Variants in CALN1 observed in about 807,000 individuals in gnomAD.
CALN1 encodes calcium-binding protein 8.
Under a neutral mutation model 30.6 loss-of-function variants are expected in CALN1, and 17 were observed. The observed-to-expected ratio is 0.56, with a 90% CI of 0.38 to 0.83. The LOEUF (loss-of-function observed/expected upper bound fraction) is 0.83. Ranked by LOEUF, CALN1 falls within the 40% of genes least tolerant of loss-of-function variation. The probability of loss-of-function intolerance (pLI) is 0.00; values close to 1 mark genes in which losing one functional copy is unlikely to be tolerated. For synonymous variants in CALN1, 156 were observed against 131.4 expected, an observed-to-expected ratio of 1.19 and a Z score of -1.28; for missense variants, 291 against 354.9, an observed-to-expected ratio of 0.82 and a Z score of 1.45.
At chr7:72,501,474 A>G in the CALN1 span, among the ~76,000 whole-genome samples, 48 of 102,428 alleles carry the variant, frequency 4.7e-4, no homozygotes, top group Non-Finnish European at 7.1e-4. Flanking sequence ...AGGAGGAGGA[A>G]GAAGGAAGGA....
At chr7:72,070,850 C>G (rs527538978) in intron 4 of CALN1, among the ~76,000 whole-genome samples, 1 of 152,100 alleles carries the variant, frequency 6.6e-6, no homozygotes, top group Non-Finnish European at 1.5e-5. Flanking sequence ...TTCTTAAGTC[C>G]TATTGGACAT....
chr7:71,821,021 A>G (rs532516696), intron 5 of CALN1, among the ~76,000 whole-genome samples: 11 of 152,314 alleles, frequency 7.2e-5, no homozygotes, highest in Non-Finnish European at 1.5e-4. Flanking sequence ...TTAGAAAGAA[A>G]GGCTACACGT....
At chr7:72,136,879 C>A (rs573960493) in intron 3 of CALN1, among the ~76,000 whole-genome samples, 2 of 152,110 alleles carry the variant, frequency 1.3e-5, no homozygotes, top group South Asian at 4.2e-4. Context: ...ATTAAGTTCA[C>A]CATTTTATAT....
At chr7:72,367,468 A>C in intron 2 of CALN1, among the ~76,000 whole-genome samples, 1 of 152,038 alleles carries the variant, frequency 6.6e-6, no homozygotes, top group East Asian at 1.9e-4. Flanking sequence ...TGCAAAAATA[A>C]ATTGAAAAAT....
At chr7:71,909,707 G>A (rs1306344405) in intron 5 of CALN1, among the ~76,000 whole-genome samples, 2 of 152,132 alleles carry the variant, frequency 1.3e-5, no homozygotes, top group Admixed American at 6.6e-5. Flanking sequence ...CACAGGGGAC[G>A]TTTGGTATCA....
At chr7:71,968,767 G>A (rs901495796) in intron 5 of CALN1, among the ~76,000 whole-genome samples, 5 of 151,904 alleles carry the variant, frequency 3.3e-5, no homozygotes, top group African/African-American at 4.8e-5. Flanking sequence ...AGAAGTGGCT[G>A]GCTGTGGTGG....
At chr7:72,007,304 G>A (rs1410556072) in intron 5 of CALN1, among the ~76,000 whole-genome samples, 1 of 152,196 alleles carries the variant, frequency 6.6e-6, no homozygotes, top group Non-Finnish European at 1.5e-5. Flanking sequence ...CCAGCACTTT[G>A]GTAGGCCGAA....
the CALN1 span, among the ~76,000 whole-genome samples, chr7:72,481,508 C>A: frequency 6.6e-6 from 1 of 152,066 alleles, no homozygotes; most frequent in South Asian, 2.1e-4. Flanking sequence ...TTTAAAAACT[C>A]ATTTTGGGTT....
intron 5 of CALN1, among the ~76,000 whole-genome samples, chr7:71,854,375 GAGAA>G (rs915415354): frequency 1.6e-4 from 24 of 151,122 alleles, no homozygotes; most frequent in Admixed American, 4.0e-4. Flanking sequence ...CAGACAGACA[GAGAA>G]AGAAAGAAAG....
At chr7:72,333,308 C>A (rs994667839) in intron 2 of CALN1, among the ~76,000 whole-genome samples, 1 of 152,228 alleles carries the variant, frequency 6.6e-6, no homozygotes, top group Non-Finnish European at 1.5e-5. Context: ...GGCACTGTGT[C>A]AACTTCATCT....
chr7:72,336,604 A>G (rs959398399), intron 2 of CALN1: 1 of 813,304 alleles, frequency 1.2e-6, no homozygotes, highest in Admixed American at 6.2e-5. Flanking sequence ...GGCCCGCGAC[A>G]GCCCGGGGGT....
chr7:72,189,288 A>G (rs1474485834), intron 3 of CALN1, among the ~76,000 whole-genome samples: 1 of 152,196 alleles, frequency 6.6e-6, no homozygotes, highest in African/African-American at 2.4e-5. Context: ...CCGAATTTCT[A>G]AAGTAATATC....
At chr7:72,190,147 G>T (rs1790498035) in intron 3 of CALN1, among the ~76,000 whole-genome samples, 1 of 152,178 alleles carries the variant, frequency 6.6e-6, no homozygotes, top group South Asian at 2.1e-4. Context: ...CCTAAGGTCA[G>T]GAGTTCGAGA....
At chr7:72,300,122 C>T (rs539886237) in intron 2 of CALN1, among the ~76,000 whole-genome samples, 4 of 152,070 alleles carry the variant, frequency 2.6e-5, no homozygotes, top group South Asian at 2.1e-4. Flanking sequence ...CCTCATGATC[C>T]GCCCACCTCG....
intron 4 of CALN1, among the ~76,000 whole-genome samples, chr7:72,050,834 C>A (rs1169860213): frequency 1.3e-5 from 2 of 151,822 alleles, no homozygotes; most frequent in African/African-American, 4.8e-5. Flanking sequence ...AACCTCATTT[C>A]TACTACAAAA....
chr7:72,210,360 G>T (rs1375165344), intron 3 of CALN1, among the ~76,000 whole-genome samples: 1 of 152,162 alleles, frequency 6.6e-6, no homozygotes, highest in East Asian at 1.9e-4. Flanking sequence ...TGCTGTCAGA[G>T]TAATCTTTCT....
At chr7:71,862,956 G>A (rs1404530047) in intron 5 of CALN1, among the ~76,000 whole-genome samples, 2 of 152,168 alleles carry the variant, frequency 1.3e-5, no homozygotes, top group Admixed American at 6.5e-5. Context: ...TTCAATAGGG[G>A]AACTATTATG....
chr7:71,999,026 T>C (rs2129528409), intron 5 of CALN1, among the ~76,000 whole-genome samples: 2 of 152,276 alleles, frequency 1.3e-5, no homozygotes, highest in Middle Eastern at 6.8e-3. Flanking sequence ...ATGGTCTAAG[T>C]ACACCAATAA....
chr7:72,377,299 T>A (rs1804619381), intron 2 of CALN1, among the ~76,000 whole-genome samples: 1 of 152,182 alleles, frequency 6.6e-6, no homozygotes, highest in Non-Finnish European at 1.5e-5. Flanking sequence ...TTTTTAGATA[T>A]ATTTTCCTTC....
Sources: allele counts gnomAD v4.1 joint callset (sites outside exome capture counted in the v4.1 genomes callset), GRCh38; gene constraint gnomAD v4.1.1; transcripts MANE v1.5; gene names NCBI Gene and HGNC (gene_info 2026-07-23, HGNC 2026-07-21).